The following KYNU variants were observed in gnomAD, a reference collection of about 807,000 sequenced individuals.
KYNU encodes kynureninase.
KYNU carries 54 observed loss-of-function variants against 59.2 expected under a neutral mutation model. The ratio of observed to expected loss-of-function variants is 0.91; its 90% confidence interval spans 0.73 to 1.14. The LOEUF (loss-of-function observed/expected upper bound fraction) is 1.14, where lower values mean the gene tolerates loss of function less well. KYNU is among the 50% of genes most tolerant of loss of function. The pLI is 0.00. For missense variants in KYNU, 567 were observed against 554.4 expected (o/e 1.02, Z -0.23); for synonymous variants, 177 against 192.0 (o/e 0.92, Z 0.65).
chr2:142,951,543 G>A (rs562334340), intron 4 of KYNU, among the ~76,000 whole-genome samples: 2 of 152,322 alleles, frequency 1.3e-5, no homozygotes, highest in East Asian at 3.9e-4. Flanking sequence ...GAAGAGCAAT[G>A]AAACAAAGTA....
chr2:142,888,180 G>A lies in KYNU; in HGVS notation c.169+2644G>A, dbSNP rs147813829. Among the ~76,000 whole-genome samples the A allele has an allele frequency of 7.2e-3, 1,098 of 152,216 alleles. 9 individuals carry two copies. Among genetic ancestry groups the A allele is most frequent in the African/African-American group, 0.024 (1,013 of 41,528 alleles). Reference sequence around the variant, plus strand: ...CTTGTTTAAAAAATATAGTTTTGCTGGACACGGTGGCTCACATCTGTAATC... The same window carrying A: ...CTTGTTTAAAAAATATAGTTTTGCTAGACACGGTGGCTCACATCTGTAATC... On this transcript the variant is annotated intron_variant, in intron 2 of 13. Coordinates refer to ENST00000264170, the MANE Select transcript of KYNU (RefSeq NM_003937.3).
In KYNU at chr2:143,047,852, C is replaced by CTTTTTTTTTTTTTTTTTTTTTTTTTT. The variant is rs61229238; in HGVS notation, c.*5681_*5706dup. On this transcript the variant is annotated 3_prime_UTR_variant, in exon 14 of 14. Transcript: ENST00000264170. Reference sequence around the variant, plus strand: ...GGCATAAGCTGCCACTCCTGGACCTCTTTTTTTTTTTTTTTTTTTTTTTTT... The same window carrying CTTTTTTTTTTTTTTTTTTTTTTTTTT: ...GGCATAAGCTGCCACTCCTGGACCTCTTTTTTTTTTTTTTTTTTTTTTTTTTTTTTTTTTTTTTTTTTTTTTTTTTT... 4.0e-5 allele frequency: 4 copies of CTTTTTTTTTTTTTTTTTTTTTTTTTT among 100,336 alleles called. 2 individuals carry two copies. 6.2% of individuals were successfully genotyped at this position (100,336 alleles called of 1,614,324 possible). A position where few individuals can be genotyped will look rare whatever the true frequency, so the allele number is the denominator to read the frequency against.
At chr2:143,014,502 A>T (rs1231244076) in intron 10 of KYNU, among the ~76,000 whole-genome samples, 1 of 152,240 alleles carries the variant, frequency 6.6e-6, no homozygotes, top group Non-Finnish European at 1.5e-5. Flanking sequence ...GAGATCAAAC[A>T]TGTCTACTGC....
intron 2 of KYNU, among the ~76,000 whole-genome samples, chr2:142,913,148 C>G (rs1224228388): frequency 6.6e-6 from 1 of 152,092 alleles, no homozygotes; most frequent in African/African-American, 2.4e-5. Context: ...AAAGAAACAG[C>G]TTTTGGTTTC....
At chr2:142,885,252 G>T in intron 1 of KYNU, 97 bp from the exon 2 acceptor site, 1 of 911,876 alleles carries the variant, frequency 1.1e-6, no homozygotes, top group East Asian at 2.6e-5. Flanking sequence ...GTTGGGAAAA[G>T]GGAGTCTTAG....
chr2:142,912,895 G>A (rs1383922110), intron 2 of KYNU, among the ~76,000 whole-genome samples: 2 of 151,034 alleles, frequency 1.3e-5, no homozygotes, highest in African/African-American at 2.4e-5. Flanking sequence ...TGTATTTTTA[G>A]TAGAGACAGG....
chr2:142,927,776 T>C (rs1460007724), intron 4 of KYNU, 35 bp downstream of exon 4: 3 of 1,356,410 alleles, frequency 2.2e-6, no homozygotes, highest in East Asian at 2.3e-5. Context: ...TCCAAATGAA[T>C]TGTAAAGATG....
rs1000251919 is a variant in KYNU at position 142,994,610 on chromosome 2, GCC to G, written c.902+8591_902+8592del. 4.6e-5 allele frequency among the ~76,000 whole-genome samples: 7 copies of G among 151,978 alleles called. No individual in the cohort carries two copies. In the South Asian group the frequency reaches 8.3e-4, roughly 18 times the overall value. On this transcript the variant is annotated intron_variant, in intron 10 of 13. Transcript: ENST00000264170. ...CCATGTGGCACTATGTTTTTTAAGG[GCC>G]CAATGATCCCTATGAAAATTCATTT...
rs138596617 is a variant in KYNU, at chr2:142,885,427, C to T, written c.60C>T (p.Leu20=). 33 of 1,614,076 alleles carry T rather than the reference C, an allele frequency of 2.0e-5. No homozygotes were observed. The Middle Eastern group carries it at 5.0e-4, about 24-fold the overall frequency. Residue 20 remains leucine (L), a synonymous_variant, in exon 2 of 14, where the codon CTC becomes CTT. Coordinates refer to ENST00000264170, the MANE Select transcript of KYNU (RefSeq NM_003937.3). The stretch of plus-strand genomic sequence containing the variant: ...CAGTGCAGCGCATTGCGGCTGAACT[C>T]AAATGCCACCCAACGGATGAGAGGG... The part of the protein sequence containing the change: ...ADTVQRIAAE[L]KCHPTDERVA...
In KYNU at chr2:143,046,573, T is replaced by TATCTATATATCTATA. The variant is rs1687167288; in HGVS notation, c.*4401_*4402insATCTATATATCTATA. Reference sequence around the variant, plus strand: ...CTATATATCTATATAAATATAGATATGTAGATATATGAAAGCAATATATAT... The same window carrying TATCTATATATCTATA: ...CTATATATCTATATAAATATAGATATATCTATATATCTATAGTAGATATATGAAAGCAATATATAT... On this transcript the variant is annotated 3_prime_UTR_variant, in exon 14 of 14. Transcript: ENST00000264170. The TATCTATATATCTATA allele has an allele frequency of 6.6e-6, 1 of 151,484 alleles. No homozygotes were observed. The highest frequency in any genetic ancestry group is 1.5e-5 in the Non-Finnish European group (1 of 67,836). The allele number at this position is 151,484 out of a possible 1,614,324, so 9.4% of individuals were successfully genotyped here. A position where few individuals can be genotyped will look rare whatever the true frequency, so the allele number is the denominator to read the frequency against.
In KYNU at chr2:143,042,083, C is replaced by G; in HGVS notation, c.1309C>G (p.Pro437Ala). The G allele has an allele frequency of 1.2e-6, 2 of 1,611,500 alleles. No homozygotes were observed. The highest frequency in any genetic ancestry group is 1.7e-6 in the Non-Finnish European group (2 of 1,178,304). ...KRNPNGIRVA[P>A]VPLYNSFHDV... is the part of the protein sequence containing the mutation. The stretch of plus-strand genomic sequence containing the variant: ...GAATCCAAATGGCATTCGAGTGGCT[C>G]CAGTTCCTCTCTATAATTCTTTCCA... Residue 437 changes from proline to alanine, a missense_variant, in exon 14 of 14, where the codon CCA becomes GCA. Transcript: ENST00000264170.
At chr2:142,957,929 T>C (rs1362467637) in intron 7 of KYNU, 2 of 496,456 alleles carry the variant, frequency 4.0e-6, no homozygotes, top group African/African-American at 2.0e-5. Flanking sequence ...GCTAGCCATA[T>C]GGCAAGCAAA....
chr2:142,941,029 C>A (rs1683582003), intron 4 of KYNU, among the ~76,000 whole-genome samples: 1 of 152,184 alleles, frequency 6.6e-6, no homozygotes, highest in South Asian at 2.1e-4. Context: ...TAAATGTGTT[C>A]ATCAGCCCAG....
chr2:142,942,483 A>G (rs1683637518), intron 4 of KYNU, among the ~76,000 whole-genome samples: 7 of 152,226 alleles, frequency 4.6e-5, no homozygotes, highest in Admixed American at 4.6e-4. Flanking sequence ...TAATTAAAAT[A>G]ATTTTGTAGT....
chr2:142,947,626 A>G (rs1683835874), intron 4 of KYNU: 1 of 162,090 alleles, frequency 6.2e-6, no homozygotes, highest in Non-Finnish European at 1.4e-5. Flanking sequence ...TCCTGGGCAT[A>G]CTTCATTTGG....
chr2:142,929,359 CAAAAAA>C (rs5834929), intron 4 of KYNU, among the ~76,000 whole-genome samples: 6 of 106,450 alleles, frequency 5.6e-5, no homozygotes, highest in Non-Finnish European at 7.9e-5. Flanking sequence ...TTGCCTTTCT[CAAAAAA>C]AAAAAAAAAA....
At chr2:142,972,195 T>C (rs568655557) in intron 8 of KYNU, among the ~76,000 whole-genome samples, 1 of 152,294 alleles carries the variant, frequency 6.6e-6, no homozygotes, top group South Asian at 2.1e-4. Flanking sequence ...AAATTTGCTC[T>C]TTCAAGCATA....
rs571823071 is a variant in KYNU, at chr2:143,040,826, A to G, written c.1272+168A>G. On this transcript the variant is annotated intron_variant, in intron 13 of 13. Transcript: ENST00000264170. ...CTCAGCACTGTGCTAACTGAAAGGC[A>G]TAGAGATCTGTCGTTTCTGATAAAA... Among the ~76,000 whole-genome samples the G allele has an allele frequency of 3.2e-4, 49 of 152,218 alleles. No individual in the cohort carries two copies. In the East Asian group the frequency reaches 8.7e-3, roughly 27 times the overall value.
intron 8 of KYNU, among the ~76,000 whole-genome samples, chr2:142,980,072 C>T (rs1573865638): frequency 6.6e-6 from 1 of 152,048 alleles, no homozygotes; most frequent in Non-Finnish European, 1.5e-5. Flanking sequence ...CGGGGTTGGG[C>T]AATTCCCAGA....
Sources: gnomAD v4.1 joint callset for allele counts (sites outside exome capture counted in the v4.1 genomes callset) on GRCh38, gnomAD v4.1.1 for gene constraint, MANE v1.5 for transcripts, NCBI Gene and HGNC (gene_info 2026-07-23, HGNC 2026-07-21) for gene names.